The following C4orf50 variants were observed in gnomAD, a reference collection of about 807,000 sequenced individuals.
The protein encoded by C4orf50 is chromosome 4 open reading frame 50.
In C4orf50, 80 loss-of-function variants were observed where a neutral mutation model predicts 77.2. The ratio of observed to expected loss-of-function variants is 1.04; its 90% CI spans 0.87 to 1.25. The LOEUF is 1.25. C4orf50 is among the 50% of genes most tolerant of loss of function. The pLI, the probability that C4orf50 is intolerant of heterozygous loss-of-function variation, is 0.00. For missense variants in C4orf50, 1,257 were observed against 1,152.9 expected (o/e 1.09, Z -1.31); for synonymous variants, 532 against 465.3 (o/e 1.14, Z -1.84).
chr4:5,991,762 G>A (rs559789040), intron 27 of C4orf50, among the ~76,000 whole-genome samples: 3 of 152,142 alleles, frequency 2.0e-5, no homozygotes, highest in Non-Finnish European at 4.4e-5. Context: ...GACAGAGGGG[G>A]TCTGAGCCTT....
downstream of C4orf50, among the ~76,000 whole-genome samples, chr4:5,955,564 G>T (rs936945615): frequency 6.6e-6 from 1 of 152,230 alleles, no homozygotes. This position sits in a 1 kb window ranked among gnomAD's most constrained non-coding sequence, Gnocchi z 5.1. Context: ...GCCCACAGCT[G>T]CCGCGTGGTG....
chr4:6,008,735 C>T lies in C4orf50; in HGVS notation c.427-203G>A, dbSNP rs1722360585. Among the ~76,000 whole-genome samples the T allele has an allele frequency of 6.6e-6, 1 of 152,206 alleles. No individual in the cohort carries two copies. Among genetic ancestry groups the T allele is most frequent in the African/African-American group, 2.4e-5 (1 of 41,464 alleles). Reference sequence around the variant, plus strand: ...TTTGCACGGAGGCAAGTGTCTCCCTCACTTCATCCACCCTAGTCTGGGCCC... The same window carrying T: ...TTTGCACGGAGGCAAGTGTCTCCCTTACTTCATCCACCCTAGTCTGGGCCC... On this transcript the variant is annotated intron_variant, in intron 24 of 33. Coordinates refer to ENST00000531445, the Ensembl canonical transcript of C4orf50. The surrounding 1 kb of genome is among the most constrained non-coding windows in gnomAD (Gnocchi z 6.0).
chr4:5,913,016 G>C (rs1716875886), intron 7 of C4orf50, among the ~76,000 whole-genome samples: 1 of 152,204 alleles, frequency 6.6e-6, no homozygotes, highest in Non-Finnish European at 1.5e-5. Context: ...CTAGAAATTA[G>C]CCAGCCCTGG....
exon 8 of C4orf50, chr4:5,897,978 A>G (rs2152479130): frequency 6.6e-6 from 1 of 152,360 alleles, no homozygotes; most frequent in Non-Finnish European, 1.5e-5. Flanking sequence ...GCCTGCCAAC[A>G]TTCTCAGCCT....
At chr4:5,980,082 A>G (rs2108780757) in intron 29 of C4orf50, 92 bp downstream of exon 7, 1 of 1,090,672 alleles carries the variant, frequency 9.2e-7, no homozygotes, top group South Asian at 1.8e-5. Context: ...GGCTGGGTCA[A>G]GAAGACCTCA....
intron 28 of C4orf50, among the ~76,000 whole-genome samples, chr4:5,981,466 A>T (rs960600714): frequency 6.2e-5 from 9 of 144,296 alleles, no homozygotes; most frequent in African/African-American, 2.3e-4. Context: ...GTGCAATGGC[A>T]TGACCTCGGC....
At chr4:5,948,960 CAAAAA>C (rs765201490) in intron 7 of C4orf50, among the ~76,000 whole-genome samples, 1 of 87,112 alleles carries the variant, frequency 1.1e-5, no homozygotes, top group Non-Finnish European at 2.2e-5. Flanking sequence ...GACTCCATCT[CAAAAA>C]AAAAAAAAAA....
At chr4:5,902,306 C>T (rs1716373541) in intron 7 of C4orf50, 1 of 152,248 alleles carries the variant, frequency 6.6e-6, no homozygotes, top group Non-Finnish European at 1.5e-5. Flanking sequence ...CCTGTGCTGT[C>T]AAGGACAGTG....
At position 6,008,854 on chromosome 4, in the gene C4orf50, G is replaced by A. The variant is rs114569221; in HGVS notation, c.427-322C>T. 5.8e-3 allele frequency among the ~76,000 whole-genome samples: 880 copies of A among 152,218 alleles called. 6 individuals are homozygous for A. The highest frequency in any genetic ancestry group is 0.019 in the African/African-American group (809 of 41,546). ...ACACACCCTGAGGGCCGCTGGAGATGTCCGGATACTGAATACGTCCGCACC... is the reference window on the plus strand; with the variant it reads ...ACACACCCTGAGGGCCGCTGGAGATATCCGGATACTGAATACGTCCGCACC... On this transcript the variant is annotated intron_variant, in intron 24 of 33. Transcript: ENST00000531445. This position sits in a 1 kb window ranked among gnomAD's most constrained non-coding sequence, Gnocchi z 6.0.
intron 25 of C4orf50, among the ~76,000 whole-genome samples, chr4:5,995,474 A>AACACACACAC (rs55858229): frequency 0.092 from 12,284 of 133,838 alleles, 690 homozygotes; most frequent in East Asian, 0.25. Flanking sequence ...TGGGACTGGA[A>AACACACACAC]ACACACACAC....
intron 29 of C4orf50, among the ~76,000 whole-genome samples, chr4:5,977,501 G>A (rs192648778): frequency 1.5e-4 from 23 of 152,188 alleles, no homozygotes; most frequent in African/African-American, 4.8e-4. Context: ...AATTTTGATG[G>A]TATTTTCATA....
At chr4:5,990,768 G>A in exon 28 of C4orf50, 1 of 399,164 alleles carries the variant, frequency 2.5e-6, no homozygotes, top group Non-Finnish European at 4.4e-6. Flanking sequence ...CCTCTGGTGG[G>A]CAGCCACAGA....
At chr4:5,952,595 C>G (rs1442575132), downstream of C4orf50, among the ~76,000 whole-genome samples, 3 of 152,234 alleles carry the variant, frequency 2.0e-5, no homozygotes, top group Admixed American at 2.0e-4. This position sits in a 1 kb window ranked among gnomAD's most constrained non-coding sequence, Gnocchi z 4.4. Flanking sequence ...CCACCCACCC[C>G]TTCCCTCACC....
Position 6,015,546 on chromosome 4 carries a change from C to T in C4orf50, c.287+2599G>A, listed in dbSNP as rs982946823. Among the ~76,000 whole-genome samples, 2 of 151,988 alleles carry T rather than the reference C, an allele frequency of 1.3e-5. No homozygotes were observed. The highest frequency in any genetic ancestry group is 4.8e-5 in the African/African-American group (2 of 41,376). ...AAAAAAAGATTCCCAGCCAGGGCCA[C>T]TGTCTATGTGGAGTTTGCCCATTCT... On this transcript the variant is annotated intron_variant, in intron 23 of 33. Transcript: ENST00000531445. This position sits in a 1 kb window ranked among gnomAD's most constrained non-coding sequence, Gnocchi z 4.4.
At chr4:5,993,400 C>T (rs1265381152) in intron 26 of C4orf50, among the ~76,000 whole-genome samples, 1 of 152,230 alleles carries the variant, frequency 6.6e-6, no homozygotes, top group Non-Finnish European at 1.5e-5. Flanking sequence ...GAGGATAATA[C>T]CATCCCTAAC....
downstream of C4orf50, among the ~76,000 whole-genome samples, chr4:5,952,910 T>C (rs1473048100): frequency 6.6e-6 from 1 of 152,206 alleles, no homozygotes. This position sits in a 1 kb window ranked among gnomAD's most constrained non-coding sequence, Gnocchi z 4.4. Context: ...ATCGTAAGTT[T>C]TGGTTTTGCC....
chr4:5,992,723 G>A lies in C4orf50; in HGVS notation c.1221+80C>T, dbSNP rs1721357553. ...TCTTTACCCCTCCCACATCCTGCGT[G>A]TGGCCACATAGCCTGCATGAGGCAG... On this transcript the variant is annotated intron_variant, in intron 27 of 33. Coordinates refer to ENST00000531445, the Ensembl canonical transcript of C4orf50. This position sits in a 1 kb window ranked among gnomAD's most constrained non-coding sequence, Gnocchi z 5.0. 1 of 398,894 alleles carries A rather than the reference G, an allele frequency of 2.5e-6. No homozygotes were observed. Among genetic ancestry groups the A allele is most frequent in the Non-Finnish European group, 4.4e-6 (1 of 226,114 alleles). 24.7% of individuals were successfully genotyped at this position (398,894 alleles called of 1,614,324 possible).
chr4:5,985,142 G>T (rs1160031930), intron 28 of C4orf50, among the ~76,000 whole-genome samples: 1 of 151,388 alleles, frequency 6.6e-6, no homozygotes, highest in African/African-American at 2.4e-5. Context: ...CCAATGGGAA[G>T]AAAAAAAATT....
At chr4:5,966,064 G>A (rs780922441) in intron 32 of C4orf50, among the ~76,000 whole-genome samples, 5 of 152,206 alleles carry the variant, frequency 3.3e-5, no homozygotes, top group East Asian at 1.9e-4. Context: ...AGTAAGCTGC[G>A]CTTAAACAAG....
Sources: allele counts gnomAD v4.1 joint callset (sites outside exome capture counted in the v4.1 genomes callset), GRCh38; gene constraint gnomAD v4.1.1; non-coding constraint Gnocchi (gnomAD v3.1); transcripts MANE v1.5; gene names NCBI Gene and HGNC (gene_info 2026-07-23, HGNC 2026-07-21).